The following RBFOX1 variants were observed in gnomAD, a reference collection of about 807,000 sequenced individuals.
RBFOX1 encodes RNA binding protein fox-1 homolog 1.
In RBFOX1, 8 loss-of-function variants were observed where a neutral mutation model predicts 57.7. The ratio of observed to expected loss-of-function variants is 0.14; its 90% CI spans 0.08 to 0.25. The LOEUF is 0.25. RBFOX1 is among the 10% of genes least tolerant of loss of function. The pLI, the probability that RBFOX1 is intolerant of heterozygous loss-of-function variation, is 1.00. For missense variants in RBFOX1, 611 were observed against 548.5 expected, an observed-to-expected ratio of 1.11 and a Z score of -1.14; for synonymous variants, 326 against 222.4, an observed-to-expected ratio of 1.47 and a Z score of -4.15.
intron 3 of RBFOX1, among the ~76,000 whole-genome samples, chr16:6,726,567 A>G (rs759579710): frequency 6.6e-6 from 1 of 152,092 alleles, no homozygotes; most frequent in Non-Finnish European, 1.5e-5. Flanking sequence ...AGAGAAGGCA[A>G]GGATGCCTTT....
At chr16:7,335,333 C>T (rs949431473) in intron 4 of RBFOX1, among the ~76,000 whole-genome samples, 1 of 152,070 alleles carries the variant, frequency 6.6e-6, no homozygotes, top group South Asian at 2.1e-4. Context: ...ATGTCATTGG[C>T]AAGATGTTAA....
At chr16:5,646,548 G>C (rs1322692210) in intron 3 of RBFOX1, among the ~76,000 whole-genome samples, 1 of 152,144 alleles carries the variant, frequency 6.6e-6, no homozygotes, top group African/African-American at 2.4e-5. Flanking sequence ...GAATGCAGAG[G>C]AGACACCTGC....
intron 4 of RBFOX1, among the ~76,000 whole-genome samples, chr16:7,242,311 A>G (rs1389298889): frequency 6.6e-6 from 1 of 152,210 alleles, no homozygotes; most frequent in Admixed American, 6.5e-5. Context: ...AAAATAAATA[A>G]TAGGCATGAC....
chr16:5,690,666 G>A (rs1293452213), intron 3 of RBFOX1, among the ~76,000 whole-genome samples: 2 of 152,124 alleles, frequency 1.3e-5, no homozygotes, highest in Admixed American at 6.5e-5. Flanking sequence ...GGAAGATTTA[G>A]TACATGACTG....
At chr16:6,776,929 G>T (rs542739222) in intron 3 of RBFOX1, among the ~76,000 whole-genome samples, 1 of 152,156 alleles carries the variant, frequency 6.6e-6, no homozygotes, top group Non-Finnish European at 1.5e-5. Flanking sequence ...TGTACACCTG[G>T]CTTTGTATTG....
At chr16:5,535,521 A>T (rs1265480287) in intron 2 of RBFOX1, among the ~76,000 whole-genome samples, 2 of 152,212 alleles carry the variant, frequency 1.3e-5, no homozygotes, top group African/African-American at 4.8e-5. Context: ...CCAGCTGGCA[A>T]AATTTCCTAG....
intron 4 of RBFOX1, among the ~76,000 whole-genome samples, chr16:7,066,917 G>C (rs2056190101): frequency 6.6e-6 from 1 of 152,122 alleles, no homozygotes; most frequent in Non-Finnish European, 1.5e-5. Context: ...TCTAAAAACA[G>C]ATTACTCATG....
intron 2 of RBFOX1, among the ~76,000 whole-genome samples, chr16:5,578,795 C>T (rs1405342939): frequency 6.7e-6 from 1 of 149,678 alleles, no homozygotes; most frequent in Non-Finnish European, 1.5e-5. Context: ...TTTTGCGCTT[C>T]AATCCCAAAA....
rs199670899 is a variant in RBFOX1, at chr16:6,704,232, CT to C, written c.-16+49583del. The C allele has an allele frequency of 1.5e-4, 23 of 152,330 alleles. No individual in the cohort carries two copies. In the East Asian group the frequency reaches 4.5e-3, roughly 29 times the overall value. The allele number at this position is 152,330 out of a possible 1,614,324, so 9.4% of individuals were successfully genotyped here. Reference sequence around the variant, plus strand: ...AAAAACCTGCCTAACTTTCACGCAGCTAGTAAGTGGCAGAACTGCAAATTGA... The same window carrying C: ...AAAAACCTGCCTAACTTTCACGCAGCAGTAAGTGGCAGAACTGCAAATTGA... On this transcript the variant is annotated intron_variant, in intron 3 of 15. Transcript: ENST00000550418.
intron 7 of RBFOX1, among the ~76,000 whole-genome samples, chr16:7,593,020 A>G (rs1295077685): frequency 1.4e-5 from 2 of 144,100 alleles, no homozygotes; most frequent in East Asian, 4.1e-4. Context: ...TTGCCATGTT[A>G]CTCAGCCTGG....
At chr16:7,390,749 GT>G (rs963985505) in intron 4 of RBFOX1, among the ~76,000 whole-genome samples, 1 of 151,944 alleles carries the variant, frequency 6.6e-6, no homozygotes, top group Non-Finnish European at 1.5e-5. Context: ...TTAGAGATTT[GT>G]TTTTTTCAAT....
chr16:7,523,901 T>G (rs2078077845), intron 5 of RBFOX1, among the ~76,000 whole-genome samples: 2 of 152,168 alleles, frequency 1.3e-5, no homozygotes, highest in African/African-American at 4.8e-5. Context: ...ATTTATGGGG[T>G]GTACCTTGTC....
At chr16:6,911,010 G>C (rs867371924) in intron 3 of RBFOX1, among the ~76,000 whole-genome samples, 3 of 152,148 alleles carry the variant, frequency 2.0e-5, no homozygotes, top group Admixed American at 6.5e-5. Flanking sequence ...AGATAAGCCT[G>C]GTCAACGTGG....
chr16:5,874,513 TCTA>T (rs1425261075), intron 4 of RBFOX1, among the ~76,000 whole-genome samples: 7 of 152,030 alleles, frequency 4.6e-5, no homozygotes, highest in Admixed American at 1.3e-4. Flanking sequence ...TTTTTTTTCT[TCTA>T]AGAACACTGA....
chr16:6,876,425 G>A (rs895364441), intron 3 of RBFOX1, among the ~76,000 whole-genome samples: 8 of 61,288 alleles, frequency 1.3e-4, no homozygotes, highest in African/African-American at 9.9e-4. Flanking sequence ...CTGAAACAAA[G>A]TCACTCTTAA....
chr16:6,064,603 C>T lies in RBFOX1; in HGVS notation c.-127+44611C>T, dbSNP rs181835813. On this transcript the variant is annotated intron_variant, in intron 1 of 15. Coordinates refer to ENST00000550418, the MANE Select transcript of RBFOX1 (RefSeq NM_018723.4). ...GTCACCAGGCTGGAGTGCAGTGGTG[C>T]GATCTCGGCTCACTGCAACCTCCGC... 4.3e-3 allele frequency among the ~76,000 whole-genome samples: 657 copies of T among 151,950 alleles called. 6 individuals are homozygous for T. Among genetic ancestry groups the T allele is most frequent in the African/African-American group, 0.014 (600 of 41,406 alleles).
intron 3 of RBFOX1, among the ~76,000 whole-genome samples, chr16:5,629,239 AT>A (rs2048432626): frequency 6.6e-6 from 1 of 152,218 alleles, no homozygotes; most frequent in Non-Finnish European, 1.5e-5. Context: ...CCTTCCCTCT[AT>A]CCCTACTCCT....
chr16:6,434,527 T>C (rs924680163), intron 2 of RBFOX1, among the ~76,000 whole-genome samples: 5 of 152,338 alleles, frequency 3.3e-5, no homozygotes, highest in African/African-American at 9.6e-5. Flanking sequence ...AGCTCATGTA[T>C]GTAATGCACG....
At chr16:6,496,594 C>G (rs2153159127) in intron 2 of RBFOX1, among the ~76,000 whole-genome samples, 1 of 152,234 alleles carries the variant, frequency 6.6e-6, no homozygotes, top group Admixed American at 6.5e-5. Context: ...TCGAACTGGG[C>G]TCAGAAAATC....
Sources: gnomAD v4.1 joint callset for allele counts (sites outside exome capture counted in the v4.1 genomes callset) on GRCh38, gnomAD v4.1.1 for gene constraint, MANE v1.5 for transcripts, NCBI Gene and HGNC (gene_info 2026-07-23, HGNC 2026-07-21) for gene names.